The following LIPA variants were observed in gnomAD, a reference collection of about 807,000 sequenced individuals.
LIPA encodes lipase A, lysosomal acid type.
Under a neutral mutation model 40.6 loss-of-function variants are expected in LIPA, and 26 were observed. The observed-to-expected ratio is 0.64, with a 90% CI of 0.47 to 0.89. The LOEUF is 0.89. Ranked by LOEUF, LIPA falls within the 40% of genes least tolerant of loss-of-function variation. LIPA has a pLI of 0.00. For missense variants in LIPA, 455 were observed against 479.6 expected (o/e 0.95, Z 0.48); for synonymous variants, 188 against 168.4 (o/e 1.12, Z -0.90).
intron 1 of LIPA, among the ~76,000 whole-genome samples, chr10:89,297,042 C>T (rs1466417472): frequency 6.6e-6 from 1 of 152,074 alleles, no homozygotes; most frequent in African/African-American, 2.4e-5. Flanking sequence ...GATAATTATA[C>T]CTCGAATAGA....
chr10:89,299,718 G>A (rs1317305626), intron 1 of LIPA, among the ~76,000 whole-genome samples: 1 of 151,362 alleles, frequency 6.6e-6, no homozygotes, highest in African/African-American at 2.4e-5. Flanking sequence ...ATCACAATGA[G>A]ATATCATCTC....
intron 2 of LIPA, chr10:89,403,097 A>T: frequency 6.2e-7 from 1 of 1,613,924 alleles, no homozygotes; most frequent in Non-Finnish European, 8.5e-7. Flanking sequence ...TTGAGTTATT[A>T]AAAAAGGCCT....
intron 2 of LIPA, among the ~76,000 whole-genome samples, chr10:89,395,314 G>C (rs1589634032): frequency 6.6e-6 from 1 of 151,896 alleles, no homozygotes; most frequent in Non-Finnish European, 1.5e-5. Flanking sequence ...AACCCACCTA[G>C]GTAACGCCCT....
rs2071509 is a variant in LIPA at position 89,228,493 on chromosome 10, C to G, written c.230-95G>C. ...AGAACATTCGTAAAAGATCCATAAG[C>G]AAATAATGAACTAGAAATAAATTGA... On this transcript the variant is annotated intron_variant, in intron 3 of 9. Coordinates refer to ENST00000336233, the MANE Select transcript of LIPA (RefSeq NM_000235.4). 499,061 of 994,336 alleles carry G rather than the reference C, an allele frequency of 0.5. 127,611 individuals carry two copies. The highest frequency in any genetic ancestry group is 0.52 in the Non-Finnish European group (327,024 of 623,200). The allele number at this position is 994,336 out of a possible 1,614,324, so 61.6% of individuals were successfully genotyped here. A position where few individuals can be genotyped will look rare whatever the true frequency, so the allele number is the denominator to read the frequency against.
intron 1 of LIPA, among the ~76,000 whole-genome samples, chr10:89,274,924 G>C (rs1446372850): frequency 2.0e-5 from 3 of 152,210 alleles, no homozygotes; most frequent in African/African-American, 4.8e-5. Context: ...CAGAAGTCAA[G>C]AATGCATTTT....
At chr10:89,273,288 G>C (rs2133493876) in intron 1 of LIPA, among the ~76,000 whole-genome samples, 1 of 152,226 alleles carries the variant, frequency 6.6e-6, no homozygotes, top group Non-Finnish European at 1.5e-5. Flanking sequence ...AGGATGAGCT[G>C]AGTGTCCTCT....
intron 1 of LIPA, among the ~76,000 whole-genome samples, chr10:89,282,483 C>CA (rs1207753223): frequency 6.6e-6 from 1 of 151,360 alleles, no homozygotes; most frequent in Non-Finnish European, 1.5e-5. Context: ...GCTAAAAATA[C>CA]AAAAAAATTA....
intron 1 of LIPA, among the ~76,000 whole-genome samples, chr10:89,267,904 G>A (rs1000011183): frequency 6.6e-6 from 1 of 152,152 alleles, no homozygotes; most frequent in African/African-American, 2.4e-5. Context: ...CCACTTTATA[G>A]GGCAGGGTGG....
chr10:89,299,531 C>T (rs1001997409), intron 1 of LIPA, among the ~76,000 whole-genome samples: 1 of 152,012 alleles, frequency 6.6e-6, no homozygotes, highest in Non-Finnish European at 1.5e-5. Context: ...CAGTGAAAAA[C>T]GTTCTTCTCC....
intron 2 of LIPA, among the ~76,000 whole-genome samples, chr10:89,364,971 C>T (rs1292975689): frequency 2.0e-5 from 3 of 152,284 alleles, no homozygotes; most frequent in East Asian, 1.9e-4. Context: ...GAAGCCATAA[C>T]ATCTACCTAC....
Position 89,350,347 on chromosome 10 carries a change from C to A in LIPA, c.61+62444G>T, listed in dbSNP as rs542582201. On this transcript the variant is annotated intron_variant, in intron 2 of 8. Transcript: ENST00000371837. ...TTTAAGACGGAGTCTTGCTCTGTGG[C>A]CAGGCTGGAGGGCAATGGCGCAATC... 1.9e-3 allele frequency among the ~76,000 whole-genome samples: 230 copies of A among 123,178 alleles called. 4 individuals are homozygous for A. The highest frequency in any genetic ancestry group is 5.7e-3 in the African/African-American group (219 of 38,278). The allele number at this position is 123,178 out of a possible 152,430, so 80.8% of individuals were successfully genotyped here.
intron 1 of LIPA, chr10:89,306,118 C>T (rs1270667455): frequency 1.2e-6 from 2 of 1,614,118 alleles, no homozygotes; most frequent in Non-Finnish European, 1.7e-6. Flanking sequence ...CCACAATGTG[C>T]AACCTACTGG....
chr10:89,384,074 T>G (rs148786050), intron 2 of LIPA: 1 of 1,614,184 alleles, frequency 6.2e-7, no homozygotes, highest in Non-Finnish European at 8.5e-7. Flanking sequence ...GCCTATGTCT[T>G]TCAATATGCA....
chr10:89,234,402 AG>A (rs1842879604), intron 3 of LIPA, among the ~76,000 whole-genome samples: 1 of 152,208 alleles, frequency 6.6e-6, no homozygotes, highest in African/African-American at 2.4e-5. Context: ...CTGAGGAGGG[AG>A]ATGCAGAGGA....
At chr10:89,289,931 G>T (rs1284937142) in intron 1 of LIPA, among the ~76,000 whole-genome samples, 4 of 148,972 alleles carry the variant, frequency 2.7e-5, no homozygotes, top group Admixed American at 6.7e-5. Context: ...ACAAACAATT[G>T]CTGGCTTTGC....
intron 2 of LIPA, among the ~76,000 whole-genome samples, chr10:89,407,923 G>A (rs1227898844): frequency 1.3e-5 from 2 of 152,164 alleles, no homozygotes; most frequent in Non-Finnish European, 2.9e-5. Context: ...CTGCATTGGT[G>A]AGTGCAACTA....
intron 1 of LIPA, among the ~76,000 whole-genome samples, chr10:89,311,617 T>TATAAAAC (rs1843516341): frequency 6.6e-6 from 1 of 152,052 alleles, no homozygotes; most frequent in African/African-American, 2.4e-5. Flanking sequence ...AAAACATATG[T>TATAAAAC]ATAAAACTTT....
intron 2 of LIPA, among the ~76,000 whole-genome samples, chr10:89,367,486 C>T (rs1844064806): frequency 6.6e-6 from 1 of 152,206 alleles, no homozygotes; most frequent in Non-Finnish European, 1.5e-5. Flanking sequence ...ATTACTGGCT[C>T]ATCTAGGCCT....
intron 1 of LIPA, among the ~76,000 whole-genome samples, chr10:89,260,848 G>T (rs978245136): frequency 1.3e-5 from 2 of 152,178 alleles, no homozygotes; most frequent in Non-Finnish European, 2.9e-5. Context: ...TTACTAGCAT[G>T]CACTTGAAGA....
Sources: gnomAD v4.1 joint callset for allele counts (sites outside exome capture counted in the v4.1 genomes callset) on GRCh38, gnomAD v4.1.1 for gene constraint, MANE v1.5 for transcripts, NCBI Gene and HGNC (gene_info 2026-07-23, HGNC 2026-07-21) for gene names.